NDUFV1: variants seen among roughly 807,000 people sequenced by gnomAD.
The protein encoded by NDUFV1 is NADH:ubiquinone oxidoreductase core subunit V1.
A neutral mutation model predicts 48.7 loss-of-function variants in NDUFV1; 41 were observed. The ratio of observed to expected loss-of-function variants is 0.84; its 90% CI spans 0.66 to 1.09. NDUFV1 has a LOEUF of 1.09. NDUFV1 is among the 50% of genes least tolerant of loss of function. The pLI, the probability that NDUFV1 is intolerant of heterozygous loss-of-function variation, is 0.00. For synonymous variants in NDUFV1, 231 were observed against 259.1 expected (o/e 0.89, Z 1.04); for missense variants, 580 against 645.4 (o/e 0.90, Z 1.10).
At position 67,611,847 on chromosome 11, in the gene NDUFV1, C is replaced by T. The variant is rs201546145; in HGVS notation, c.1081-50C>T. 1.8e-4 allele frequency: 289 copies of T among 1,603,360 alleles called. 2 individuals carry two copies. In the African/African-American group the frequency reaches 2.4e-3, roughly 13 times the overall value. ...GGGCTGCTGCTAGGGGGCTGAGGCC[C>T]AGGCTTCTGTCTGGCCGTGGGTGCC... On this transcript the variant is annotated intron_variant, in intron 7 of 9. Transcript: ENST00000322776. The surrounding 1 kb of genome is among the most constrained non-coding windows in gnomAD (Gnocchi z 4.2).
At chr11:67,610,815 G>A in intron 5 of NDUFV1, 180 bp from the exon 6 acceptor site, 2 of 773,934 alleles carry the variant, frequency 2.6e-6, no homozygotes, top group Admixed American at 2.2e-5. Flanking sequence ...GAGGCTAAGG[G>A]CATGGGGTGA....
chr11:67,609,774 G>A (rs976367266), intron 4 of NDUFV1, 139 bp downstream of exon 4: 24 of 976,764 alleles, frequency 2.5e-5, no homozygotes, highest in Non-Finnish European at 3.4e-5. Flanking sequence ...AGTCCTGCAT[G>A]CATCCCAAAT....
rs145679247 is a variant in NDUFV1, at chr11:67,612,137, A to C, written c.1180A>C (p.Lys394Gln). ...PCREGVDWMNKVMARFVRGDA... is the reference protein window; with the variant it reads ...PCREGVDWMNQVMARFVRGDA... ...GGCTGCAGGTGTGGACTGGATGAAC[A>C]AGGTGATGGCACGTTTCGTGAGGGG... The change falls in exon 9 of 10, where the codon AAG becomes CAG. Residue 394 changes from lysine to glutamine, a missense_variant. By Grantham distance (53) the Lys-to-Gln change is moderately conservative. Coordinates refer to ENST00000322776, the MANE Select transcript of NDUFV1 (RefSeq NM_007103.4). The surrounding 1 kb of genome is among the most constrained non-coding windows in gnomAD (Gnocchi z 4.4). 1.9e-6 allele frequency: 3 copies of C among 1,613,582 alleles called. No individual in the cohort carries two copies. The highest frequency in any genetic ancestry group is 2.5e-6 in the Non-Finnish European group (3 of 1,179,916).
At chr11:67,609,398 T>A (rs1183448129) in intron 3 of NDUFV1, 54 bp from the exon 4 acceptor site, 30 of 1,588,654 alleles carry the variant, frequency 1.9e-5, no homozygotes, top group Non-Finnish European at 2.6e-5. Context: ...GGCATGGAGT[T>A]GAAGACCCAG....
At chr11:67,607,145 C>A in intron 1 of NDUFV1, 69 bp downstream of exon 1, 1 of 1,510,650 alleles carries the variant, frequency 6.6e-7, no homozygotes. Flanking sequence ...CGTGCACGAG[C>A]AGTCCCTGGG....
chr11:67,610,426 G>A lies in NDUFV1; in HGVS notation c.556G>A (p.Ala186Thr). The part of the protein sequence containing the change: ...AYEAGLIGKN[A>T]CGSGYDFDVF... ...TGAGGCAGGTCTGATTGGCAAGAAT[G>A]CTTGTGGCTCTGGCTATGATTTTGA... Residue 186 changes from alanine to threonine, a missense_variant, in exon 5 of 10, where the codon GCT becomes ACT. Transcript: ENST00000322776. 1.2e-6 allele frequency: 2 copies of A among 1,614,202 alleles called. No individual in the cohort carries two copies. Among genetic ancestry groups the A allele is most frequent in the Non-Finnish European group, 1.7e-6 (2 of 1,180,036 alleles).
intron 2 of NDUFV1, 28 bp from the exon 3 acceptor site, chr11:67,608,524 C>T: frequency 6.2e-7 from 1 of 1,614,216 alleles, no homozygotes; most frequent in Non-Finnish European, 8.5e-7. Flanking sequence ...CAAGGTGTCC[C>T]CTTCATTGCC....
At chr11:67,607,165 G>C in intron 1 of NDUFV1, 89 bp downstream of exon 1, 2 of 1,387,904 alleles carry the variant, frequency 1.4e-6, no homozygotes, top group Non-Finnish European at 2.0e-6. Flanking sequence ...GGTCTGTAGT[G>C]GCCTCTGGAG....
intron 4 of NDUFV1, chr11:67,610,173 G>A: frequency 3.3e-6 from 2 of 599,010 alleles, no homozygotes; most frequent in Admixed American, 2.9e-5. Flanking sequence ...TGGCAGCAAA[G>A]CAGCTTACTT....
chr11:67,608,262 CTA>C (rs1427477182), intron 1 of NDUFV1, 132 bp from the exon 2 acceptor site: 2 of 822,980 alleles, frequency 2.4e-6, no homozygotes, highest in African/African-American at 3.4e-5. Context: ...GCAGTGGTAT[CTA>C]TGATGCTATA....
chr11:67,612,107 GC>G lies in NDUFV1; in HGVS notation c.1163-12del, dbSNP rs147787116. 1.7e-3 allele frequency: 2,672 copies of G among 1,613,708 alleles called. 36 individuals carry two copies. The African/African-American group carries it at 0.032, about 19-fold the overall frequency. ...GGAGATCATCAGGCCCTCTCTTGTG[GC>G]TGTGGCTGCAGGTGTGGACTGGATG... On this transcript the variant is annotated splice_polypyrimidine_tract_variant and intron_variant, in intron 8 of 9. Coordinates refer to ENST00000322776, the MANE Select transcript of NDUFV1 (RefSeq NM_007103.4). This position sits in a 1 kb window ranked among gnomAD's most constrained non-coding sequence, Gnocchi z 4.4.
At chr11:67,609,779 C>T in intron 4 of NDUFV1, 144 bp downstream of exon 4, 6 of 927,784 alleles carry the variant, frequency 6.5e-6, no homozygotes, top group Middle Eastern at 3.0e-4. Context: ...TGCATGCATC[C>T]CAAATGGGAC....
At chr11:67,607,301 C>T (rs1239787756) in intron 1 of NDUFV1, 1 of 695,786 alleles carries the variant, frequency 1.4e-6, no homozygotes, top group Non-Finnish European at 2.6e-6. Context: ...TTTTACAGTC[C>T]TCGGCCTGGC....
At chr11:67,607,609 C>A in intron 1 of NDUFV1, 1 of 393,252 alleles carries the variant, frequency 2.5e-6, no homozygotes, top group Non-Finnish European at 5.1e-6. Flanking sequence ...TTCGCCTCTT[C>A]GGCCGAGGTA....
rs1233945387 is a variant in NDUFV1 at position 67,608,853 on chromosome 11, A to G, written c.326+131A>G. The G allele has an allele frequency of 2.4e-6, 3 of 1,253,764 alleles. No individual in the cohort carries two copies. In the African/African-American group the frequency reaches 4.4e-5, roughly 19 times the overall value. The allele number at this position is 1,253,764 out of a possible 1,614,324, so 77.7% of individuals were successfully genotyped here. A position where few individuals can be genotyped will look rare whatever the true frequency, so the allele number is the denominator to read the frequency against. ...AGGTGGGCACATGTTCCCAGGCCTT[A>G]AATGGATGGGACTTACTCTGTGGAC... On this transcript the variant is annotated intron_variant, in intron 3 of 9. Coordinates refer to ENST00000322776, the MANE Select transcript of NDUFV1 (RefSeq NM_007103.4).
In NDUFV1 at chr11:67,610,537, C is replaced by A; in HGVS notation, c.667C>A (p.Pro223Thr). 1 of 1,614,184 alleles carries A rather than the reference C, an allele frequency of 6.2e-7. No individual in the cohort carries two copies. The highest frequency in any genetic ancestry group is 8.5e-7 in the Non-Finnish European group (1 of 1,180,026). Residue 223 changes from proline (P) to threonine (T), a missense_variant, in exon 5 of 10, where the codon CCC (proline) becomes ACC (threonine). Physicochemically the swap from Pro to Thr is conservative, Grantham distance 38. Transcript: ENST00000322776. ...IESIEGKQGK[P>T]RLKPPFPADV... ...GTCCATTGAGGGCAAGCAGGGCAAGCCCCGCCTGAAGCCCCCCTTCCCCGC... is the reference window on the plus strand; with the variant it reads ...GTCCATTGAGGGCAAGCAGGGCAAGACCCGCCTGAAGCCCCCCTTCCCCGC...
chr11:67,609,320 T>C (rs1854866451), intron 3 of NDUFV1, 132 bp from the exon 4 acceptor site: 7 of 888,030 alleles, frequency 7.9e-6, no homozygotes, highest in Non-Finnish European at 1.1e-5. Context: ...CTGGGACATG[T>C]TGGGAGGGCA....
chr11:67,609,365 G>A (rs1854867041), intron 3 of NDUFV1, 87 bp from the exon 4 acceptor site: 1 of 1,388,826 alleles, frequency 7.2e-7, no homozygotes, highest in Non-Finnish European at 1.0e-6. Context: ...ACATCTTTGA[G>A]GCCTCCCTGG....
In NDUFV1 at chr11:67,612,541, C is replaced by T. The variant is rs556808880; in HGVS notation, c.*83C>T. The stretch of plus-strand genomic sequence containing the variant: ...CGAGTGCTGCCCACCCTCCAGCTGC[C>T]GCTGCTGTGACTGTGCTCTTTACCC... On this transcript the variant is annotated 3_prime_UTR_variant, in exon 10 of 10. Coordinates refer to ENST00000322776, the MANE Select transcript of NDUFV1 (RefSeq NM_007103.4). This position sits in a 1 kb window ranked among gnomAD's most constrained non-coding sequence, Gnocchi z 4.4. The T allele has an allele frequency of 3.0e-5, 44 of 1,452,594 alleles. No homozygotes were observed. The highest frequency in any genetic ancestry group is 2.1e-4 in the African/African-American group (15 of 71,178). The allele number at this position is 1,452,594 out of a possible 1,614,324, so 90.0% of individuals were successfully genotyped here.
Sources: allele counts gnomAD v4.1 joint callset, GRCh38; gene constraint gnomAD v4.1.1; non-coding constraint Gnocchi (gnomAD v3.1); transcripts MANE v1.5; gene names NCBI Gene and HGNC (gene_info 2026-07-23, HGNC 2026-07-21).